The following ARHGAP32 variants were observed in gnomAD, a reference collection of about 807,000 sequenced individuals.
ARHGAP32 encodes rho GTPase-activating protein 32.
A neutral mutation model predicts 186.5 loss-of-function variants in ARHGAP32; 51 were observed. The ratio of observed to expected loss-of-function variants is 0.27; its 90% CI spans 0.22 to 0.35. The LOEUF (loss-of-function observed/expected upper bound fraction) is 0.35, where lower values mean the gene tolerates loss of function less well. ARHGAP32 is among the 10% of genes least tolerant of loss of function. The probability of loss-of-function intolerance (pLI) is 1.00; values close to 1 mark genes in which losing one functional copy is unlikely to be tolerated. For synonymous variants in ARHGAP32, 950 were observed against 964.3 expected, an observed-to-expected ratio of 0.99 and a Z score of 0.27; for missense variants, 2,186 against 2,623.5, an observed-to-expected ratio of 0.83 and a Z score of 3.64.
intron 1 of ARHGAP32, among the ~76,000 whole-genome samples, chr11:129,230,545 A>AT (rs5795661): frequency 1 from 152,244 of 152,244 alleles, 76,122 homozygotes; most frequent in Non-Finnish European, 1. Flanking sequence ...ATCTCACAAT[A>AT]TTTTGTTAAA....
chr11:129,064,134 G>T, intron 8 of ARHGAP32, 110 bp from the exon 9 acceptor site: 41 of 758,256 alleles, frequency 5.4e-5, no homozygotes, highest in Non-Finnish European at 5.6e-5. Context: ...AACCCAAAGA[G>T]TCTTAAAAAA....
At position 129,063,962 on chromosome 11, in the gene ARHGAP32, G is replaced by T; in HGVS notation, c.825C>A (p.Val275=). ...ACCTCTTGATAACATGGGCAGCACCGACAGCAGGAGTGTTGATGGATGACT... is the reference window on the plus strand; with the variant it reads ...ACCTCTTGATAACATGGGCAGCACCTACAGCAGGAGTGTTGATGGATGACT... ...HEESSINTPA[V]GAAHVIKRYT... is the part of the protein sequence containing the mutation. The change falls in exon 9 of 23, where the codon GTC becomes GTA. Residue 275 remains valine (V), a synonymous_variant. Transcript: ENST00000682385. The T allele has an allele frequency of 6.2e-7, 1 of 1,612,732 alleles. No individual in the cohort carries two copies. The highest frequency in any genetic ancestry group is 8.5e-7 in the Non-Finnish European group (1 of 1,179,174).
intron 2 of ARHGAP32, among the ~76,000 whole-genome samples, chr11:129,162,916 A>T (rs567338621): frequency 1.3e-5 from 2 of 152,280 alleles, no homozygotes; most frequent in South Asian, 4.1e-4. Flanking sequence ...ACAAATGTGT[A>T]GTGAATATTT....
At chr11:129,004,811 T>C (rs1265381030) in intron 11 of ARHGAP32, among the ~76,000 whole-genome samples, 1 of 152,174 alleles carries the variant, frequency 6.6e-6, no homozygotes, top group Non-Finnish European at 1.5e-5. Flanking sequence ...GTCTTGTTTT[T>C]TCATCCATTC....
intron 1 of ARHGAP32, among the ~76,000 whole-genome samples, chr11:129,257,721 A>AAC (rs1555118503): frequency 0.29 from 42,414 of 146,476 alleles, 6,482 homozygotes; most frequent in Middle Eastern, 0.39. Context: ...AAAAAAAAAA[A>AAC]CAGAACTTCT....
At chr11:129,145,102 G>A (rs995376227) in intron 2 of ARHGAP32, among the ~76,000 whole-genome samples, 1 of 151,920 alleles carries the variant, frequency 6.6e-6, no homozygotes, top group East Asian at 1.9e-4. Flanking sequence ...CAGAAGGCTC[G>A]CTAAAAATAC....
intron 1 of ARHGAP32, among the ~76,000 whole-genome samples, chr11:129,262,833 C>G (rs1480536223): frequency 6.6e-6 from 1 of 151,986 alleles, no homozygotes; most frequent in East Asian, 1.9e-4. Context: ...TTTACTGTAC[C>G]AAATATAAAT....
At chr11:129,146,444 C>T (rs913344870) in intron 2 of ARHGAP32, among the ~76,000 whole-genome samples, 2 of 152,148 alleles carry the variant, frequency 1.3e-5, no homozygotes, top group African/African-American at 4.8e-5. Flanking sequence ...GCTACACATA[C>T]ATTAGTATAT....
At chr11:129,000,374 T>C (rs1237074480) in intron 11 of ARHGAP32, among the ~76,000 whole-genome samples, 1 of 152,226 alleles carries the variant, frequency 6.6e-6, no homozygotes, top group Non-Finnish European at 1.5e-5. Context: ...AACAATATCA[T>C]GAGCTCAAAG....
At chr11:129,109,621 G>A (rs1591622844) in intron 5 of ARHGAP32, among the ~76,000 whole-genome samples, 1 of 152,044 alleles carries the variant, frequency 6.6e-6, no homozygotes, top group South Asian at 2.1e-4. Flanking sequence ...CATTCTAACA[G>A]GAGTAAGATA....
At chr11:129,190,188 G>A (rs1944243802) in intron 1 of ARHGAP32, among the ~76,000 whole-genome samples, 1 of 152,170 alleles carries the variant, frequency 6.6e-6, no homozygotes, top group African/African-American at 2.4e-5. Flanking sequence ...GGTTACAGCT[G>A]CAACTCCTAT....
At chr11:129,059,979 T>G (rs1453976193) in intron 10 of ARHGAP32, among the ~76,000 whole-genome samples, 3 of 152,228 alleles carry the variant, frequency 2.0e-5, no homozygotes, top group African/African-American at 7.2e-5. Context: ...AGATTTTTCA[T>G]TATCGGTTAC....
chr11:129,232,628 G>A (rs1944873776), intron 1 of ARHGAP32, among the ~76,000 whole-genome samples: 1 of 152,112 alleles, frequency 6.6e-6, no homozygotes, highest in Admixed American at 6.5e-5. Flanking sequence ...AAAAAAAAAG[G>A]TGTCAGCCAA....
At chr11:129,202,182 G>C (rs1220189393) in intron 1 of ARHGAP32, among the ~76,000 whole-genome samples, 1 of 151,994 alleles carries the variant, frequency 6.6e-6, no homozygotes, top group Non-Finnish European at 1.5e-5. Flanking sequence ...AGATAATGCA[G>C]ATGATTTTTA....
intron 1 of ARHGAP32, among the ~76,000 whole-genome samples, chr11:129,251,800 G>A (rs35155888): frequency 0.11 from 16,266 of 151,210 alleles, 986 homozygotes; most frequent in South Asian, 0.25. Context: ...TGGGTGTGGC[G>A]AGGTGTGCCT....
chr11:129,066,617 G>T, intron 7 of ARHGAP32, 114 bp downstream of exon 7: 1 of 916,100 alleles, frequency 1.1e-6, no homozygotes, highest in Non-Finnish European at 1.5e-6. Context: ...CAGGCAAGTA[G>T]TCCCAGGAAT....
Position 128,974,557 on chromosome 11 carries a change from AAAG to A in ARHGAP32, c.2637_2639del (p.Phe880del), listed in dbSNP as rs766614151. ...CTTCAGTTGGGCTCAAGTCCAGGGT[AAAG>A]AATGGACTCAGTTTCTCCTGAAGAG... is the stretch of plus-strand genomic sequence containing the variant. On this transcript the variant is annotated inframe_deletion, in exon 21 of 23. Coordinates refer to ENST00000682385, the MANE Select transcript of ARHGAP32 (RefSeq NM_001378024.1). 3.1e-6 allele frequency: 5 copies of A among 1,614,070 alleles called. No individual in the cohort carries two copies. In the African/African-American group the frequency reaches 5.3e-5, roughly 17 times the overall value.
intron 1 of ARHGAP32, among the ~76,000 whole-genome samples, chr11:129,259,879 G>T (rs1198472966): frequency 1.3e-5 from 2 of 151,942 alleles, no homozygotes; most frequent in Non-Finnish European, 2.9e-5. Context: ...TGTTTGTTTT[G>T]TTTTTTGTTT....
At chr11:129,194,629 A>AC (rs1016763503), upstream of ARHGAP32, among the ~76,000 whole-genome samples, 1 of 152,108 alleles carries the variant, frequency 6.6e-6, no homozygotes, top group African/African-American at 2.4e-5. Flanking sequence ...ACGGAGGAAA[A>AC]CAGACAGCTG....
Sources: allele counts gnomAD v4.1 joint callset (sites outside exome capture counted in the v4.1 genomes callset), GRCh38; gene constraint gnomAD v4.1.1; transcripts MANE v1.5; gene names NCBI Gene and HGNC (gene_info 2026-07-23, HGNC 2026-07-21).